The following TMPRSS11F variants were observed in gnomAD, a reference collection of about 807,000 sequenced individuals.
The protein encoded by TMPRSS11F is transmembrane protease serine 11F.
Under a neutral mutation model 60.2 loss-of-function variants are expected in TMPRSS11F, and 47 were observed. The ratio of observed to expected loss-of-function variants is 0.78; its 90% CI spans 0.62 to 1.00. The LOEUF is 1.00. TMPRSS11F is among the 50% of genes least tolerant of loss of function. The pLI is 0.00. For missense variants in TMPRSS11F, 519 were observed against 522.9 expected, an observed-to-expected ratio of 0.99 and a Z score of 0.07; for synonymous variants, 166 against 167.3, an observed-to-expected ratio of 0.99 and a Z score of 0.06.
chr4:68,107,386 T>C (rs574781332), intron 1 of TMPRSS11F, among the ~76,000 whole-genome samples: 114 of 151,988 alleles, frequency 7.5e-4, no homozygotes, highest in African/African-American at 2.7e-3. Context: ...CAGGGTACAG[T>C]GAGGGAGGTG....
chr4:68,077,419 A>C (rs535187751), intron 3 of TMPRSS11F: 14 of 152,364 alleles, frequency 9.2e-5, no homozygotes, highest in African/African-American at 3.4e-4. Flanking sequence ...GTGATAACTT[A>C]AGGCAAGTTG....
intron 1 of TMPRSS11F, among the ~76,000 whole-genome samples, chr4:68,110,460 T>C (rs1724389851): frequency 6.6e-6 from 1 of 152,132 alleles, no homozygotes; most frequent in Non-Finnish European, 1.5e-5. Flanking sequence ...CTATAGGCAA[T>C]TAAAAGGCAT....
chr4:68,076,210 G>T (rs1259671431), intron 3 of TMPRSS11F, among the ~76,000 whole-genome samples: 1 of 152,032 alleles, frequency 6.6e-6, no homozygotes, highest in Non-Finnish European at 1.5e-5. Context: ...AAATAACAAG[G>T]TCGCCTTCCA....
chr4:68,065,209 C>T (rs1188042265), intron 7 of TMPRSS11F, among the ~76,000 whole-genome samples: 1 of 152,076 alleles, frequency 6.6e-6, no homozygotes, highest in Non-Finnish European at 1.5e-5. Flanking sequence ...TCCTTAATTT[C>T]AACAAACTGT....
At chr4:68,096,589 G>C (rs958370870) in intron 2 of TMPRSS11F, among the ~76,000 whole-genome samples, 1 of 152,086 alleles carries the variant, frequency 6.6e-6, no homozygotes, top group African/African-American at 2.4e-5. Context: ...TGGCTGAAGG[G>C]CACTGATAAA....
In TMPRSS11F at chr4:68,098,955, A is replaced by C; in HGVS notation, c.95T>G (p.Leu32Arg). 11 of 1,613,090 alleles carry C rather than the reference A, an allele frequency of 6.8e-6. No homozygotes were observed. The highest frequency in any genetic ancestry group is 9.3e-6 in the Non-Finnish European group (11 of 1,179,510). ...GATTGCTACAATTGCTAATGTGAAA[A>C]GAGCTAGCCGTACTGAGTCCCAAAA... ...QQFWDSVRLA[L>R]FTLAIVAIIG... is the part of the protein sequence containing the mutation. Residue 32 changes from leucine (L) to arginine (R), a missense_variant, in exon 2 of 10, where the codon CTT (leucine) becomes CGT (arginine). By Grantham distance (102) the Leu-to-Arg change is moderately radical. Transcript: ENST00000356291.
intron 1 of TMPRSS11F, among the ~76,000 whole-genome samples, chr4:68,100,724 T>A (rs1724175403): frequency 6.6e-6 from 1 of 152,132 alleles, no homozygotes. Context: ...AAATGAAAAG[T>A]ATCTGTTTTA....
At chr4:68,110,845 T>C (rs1724397381) in intron 1 of TMPRSS11F, among the ~76,000 whole-genome samples, 1 of 152,188 alleles carries the variant, frequency 6.6e-6, no homozygotes, top group Non-Finnish European at 1.5e-5. Flanking sequence ...ATTTTTGTTC[T>C]CACTTTAGTG....
chr4:68,102,735 G>A (rs956832944), intron 1 of TMPRSS11F, among the ~76,000 whole-genome samples: 1 of 151,974 alleles, frequency 6.6e-6, no homozygotes, highest in Non-Finnish European at 1.5e-5. Flanking sequence ...TCAGACATAC[G>A]GTTGCAAATA....
chr4:68,088,691 A>G (rs1340802472), intron 3 of TMPRSS11F, among the ~76,000 whole-genome samples: 1 of 152,144 alleles, frequency 6.6e-6, no homozygotes, highest in Non-Finnish European at 1.5e-5. Flanking sequence ...ATAACAAACT[A>G]TCTCTCAGCC....
At chr4:68,071,888 T>C (rs2109844866) in intron 5 of TMPRSS11F, among the ~76,000 whole-genome samples, 1 of 152,192 alleles carries the variant, frequency 6.6e-6, no homozygotes, top group South Asian at 2.1e-4. Flanking sequence ...TCTTTGATAC[T>C]GTAAAAAATA....
At chr4:68,123,711 A>G (rs996761772) in intron 1 of TMPRSS11F, among the ~76,000 whole-genome samples, 2 of 152,242 alleles carry the variant, frequency 1.3e-5, no homozygotes, top group Non-Finnish European at 2.9e-5. Context: ...TAGGGCCACA[A>G]TGGGACAGGA....
intron 3 of TMPRSS11F, among the ~76,000 whole-genome samples, chr4:68,084,784 G>A (rs543209333): frequency 1.2e-4 from 18 of 148,802 alleles, no homozygotes; most frequent in Non-Finnish European, 1.6e-4. Flanking sequence ...TGCACATTGT[G>A]CAGGTTAGTT....
intron 1 of TMPRSS11F, among the ~76,000 whole-genome samples, chr4:68,127,114 A>C (rs1278644426): frequency 2.0e-5 from 3 of 152,110 alleles, no homozygotes; most frequent in Admixed American, 2.0e-4. Flanking sequence ...CCTGGTGCAA[A>C]AGGCCCTTCA....
chr4:68,119,874 T>C (rs1401180799), intron 1 of TMPRSS11F, among the ~76,000 whole-genome samples: 2 of 152,180 alleles, frequency 1.3e-5, no homozygotes, highest in African/African-American at 2.4e-5. Flanking sequence ...ATACCTCTCA[T>C]AGTAGTAACT....
chr4:68,064,448 A>C (rs1723277429), intron 8 of TMPRSS11F, among the ~76,000 whole-genome samples: 1 of 152,100 alleles, frequency 6.6e-6, no homozygotes, highest in African/African-American at 2.4e-5. Flanking sequence ...TGGCCTCCCA[A>C]AGTGCTGGCA....
intron 3 of TMPRSS11F, among the ~76,000 whole-genome samples, chr4:68,074,667 C>T (rs1264072277): frequency 6.6e-6 from 1 of 152,230 alleles, no homozygotes; most frequent in Non-Finnish European, 1.5e-5. Context: ...AGTTTCACCA[C>T]ACTCTTATAC....
chr4:68,075,897 G>A (rs1385085775), intron 3 of TMPRSS11F, among the ~76,000 whole-genome samples: 1 of 151,920 alleles, frequency 6.6e-6, no homozygotes, highest in African/African-American at 2.4e-5. Flanking sequence ...GGAGGCTGAA[G>A]CAGAAGAATG....
At chr4:68,106,674 AAC>A (rs1309482666) in intron 1 of TMPRSS11F, among the ~76,000 whole-genome samples, 1 of 152,198 alleles carries the variant, frequency 6.6e-6, no homozygotes, top group Non-Finnish European at 1.5e-5. Context: ...GGTTTGACAA[AAC>A]AGTCAATGAA....
Sources: gnomAD v4.1 joint callset for allele counts (sites outside exome capture counted in the v4.1 genomes callset) on GRCh38, gnomAD v4.1.1 for gene constraint, MANE v1.5 for transcripts, NCBI Gene and HGNC (gene_info 2026-07-23, HGNC 2026-07-21) for gene names.